RAB39A: variants seen among roughly 807,000 people sequenced by gnomAD.
RAB39A encodes the protein ras-related protein Rab-39A.
A neutral mutation model predicts 20.9 loss-of-function variants in RAB39A; 17 were observed. The observed-to-expected ratio is 0.81, with a 90% confidence interval of 0.56 to 1.22. The LOEUF is 1.22. Among genes scored for constraint, RAB39A ranks in the 50% most tolerant of loss-of-function variants. The probability of loss-of-function intolerance (pLI) is 0.00; values close to 1 mark genes in which losing one functional copy is unlikely to be tolerated. For missense variants in RAB39A, 234 were observed against 270.5 expected, an observed-to-expected ratio of 0.87 and a Z score of 0.95; for synonymous variants, 99 against 103.4, an observed-to-expected ratio of 0.96 and a Z score of 0.26.
Position 107,962,213 on chromosome 11 carries a change from A to G in RAB39A, c.495A>G (p.Glu165=). 6.2e-7 allele frequency: 1 copy of G among 1,614,120 alleles called. No individual in the cohort carries two copies. Among genetic ancestry groups the G allele is most frequent in the Non-Finnish European group, 8.5e-7 (1 of 1,179,996 alleles). Residue 165 remains glutamate (E), a synonymous_variant, in exon 2 of 2, where the codon GAA becomes GAG. Transcript: ENST00000320578. ...ETSAKDATNV[E]ESFTILTRDI... is the part of the protein sequence containing the mutation. The stretch of plus-strand genomic sequence containing the variant: ...CAGCAAAGGATGCTACAAATGTTGA[A>G]GAATCCTTCACAATCTTGACGAGAG...
In RAB39A at chr11:107,962,321, T is replaced by G; in HGVS notation, c.603T>G (p.Thr201=). ...EGVKSGFVPN[T]VHSSEEAVKP... Reference sequence around the variant, plus strand: ...TTAAAAGTGGTTTTGTTCCAAATACTGTGCATTCTTCTGAGGAAGCAGTAA... The same window carrying G: ...TTAAAAGTGGTTTTGTTCCAAATACGGTGCATTCTTCTGAGGAAGCAGTAA... Residue 201 remains threonine, a synonymous_variant, in exon 2 of 2, where the codon ACT becomes ACG. Coordinates refer to ENST00000320578, the MANE Select transcript of RAB39A (RefSeq NM_017516.3). The G allele has an allele frequency of 6.2e-7, 1 of 1,612,950 alleles. No individual in the cohort carries two copies. The highest frequency in any genetic ancestry group is 8.5e-7 in the Non-Finnish European group (1 of 1,179,158).
intron 1 of RAB39A, among the ~76,000 whole-genome samples, chr11:107,930,658 C>G (rs913681437): frequency 2.0e-5 from 3 of 152,032 alleles, no homozygotes; most frequent in Non-Finnish European, 2.9e-5. Flanking sequence ...GAGTTCAAGA[C>G]CAGCCTGGCC....
At chr11:107,949,924 G>C (rs372971416) in intron 1 of RAB39A, among the ~76,000 whole-genome samples, 2 of 152,268 alleles carry the variant, frequency 1.3e-5, no homozygotes, top group South Asian at 2.1e-4. Context: ...TGTAATCCCA[G>C]CACTTTGGGA....
intron 1 of RAB39A, among the ~76,000 whole-genome samples, chr11:107,934,112 A>G (rs115492052): frequency 0.011 from 1,730 of 152,182 alleles, 35 homozygotes; most frequent in African/African-American, 0.04. Context: ...TTCCCAATTT[A>G]TTTTAGGGGC....
At chr11:107,935,232 G>T (rs1390569998) in intron 1 of RAB39A, among the ~76,000 whole-genome samples, 1 of 152,178 alleles carries the variant, frequency 6.6e-6, no homozygotes, top group Non-Finnish European at 1.5e-5. Context: ...AGTGGTGAAA[G>T]AACAGCTACT....
intron 1 of RAB39A, among the ~76,000 whole-genome samples, chr11:107,935,877 C>G (rs867421942): frequency 1.7e-4 from 25 of 145,496 alleles, no homozygotes; most frequent in African/African-American, 6.4e-4. Context: ...TTCTGGGGAA[C>G]GCAGCCCAGC....
chr11:107,935,437 C>T (rs1284599389), intron 1 of RAB39A, among the ~76,000 whole-genome samples: 2 of 150,184 alleles, frequency 1.3e-5, no homozygotes, highest in South Asian at 4.2e-4. Context: ...TGCAGTGGTG[C>T]GATCTCGGCT....
At position 107,928,874 on chromosome 11, in the gene RAB39A, C is replaced by T. The variant is rs1167141254; in HGVS notation, c.227+79C>T. The T allele has an allele frequency of 5.7e-6, 7 of 1,235,178 alleles. No individual in the cohort carries two copies. The highest frequency in any genetic ancestry group is 6.6e-6 in the Non-Finnish European group (6 of 905,058). 76.5% of individuals were successfully genotyped at this position (1,235,178 alleles called of 1,614,324 possible). On this transcript the variant is annotated intron_variant, in intron 1 of 1. Coordinates refer to ENST00000320578, the MANE Select transcript of RAB39A (RefSeq NM_017516.3). This position sits in a 1 kb window ranked among gnomAD's most constrained non-coding sequence, Gnocchi z 4.9. ...GCCCCTTCCCCAGGCGTCCGCCCCG[C>T]CGGCCCTGGTCGGGAGAGGCTCTGG...
Position 107,946,119 on chromosome 11 carries a change from G to T in RAB39A, c.228-15827G>T, listed in dbSNP as rs118072618. ...ATTTAGTCTTCATGAAAGATTTCAA[G>T]AAATATTAGGAAATTTGTCATGTGA... is the stretch of plus-strand genomic sequence containing the variant. On this transcript the variant is annotated intron_variant, in intron 1 of 1. Transcript: ENST00000320578. Among the ~76,000 whole-genome samples, 571 of 150,830 alleles carry T rather than the reference G, an allele frequency of 3.8e-3. 8 individuals carry two copies. The highest frequency in any genetic ancestry group is 6.5e-3 in the Non-Finnish European group (441 of 67,816).
intron 1 of RAB39A, among the ~76,000 whole-genome samples, chr11:107,943,030 CAAAT>C (rs1194605559): frequency 2.0e-5 from 3 of 152,148 alleles, no homozygotes; most frequent in Non-Finnish European, 4.4e-5. Context: ...GCATCAGTAA[CAAAT>C]AACCCTCCCC....
Position 107,962,081 on chromosome 11 carries a change from A to G in RAB39A, c.363A>G (p.Val121=). 6.2e-7 allele frequency: 1 copy of G among 1,614,142 alleles called. No homozygotes were observed. Among genetic ancestry groups the G allele is most frequent in the African/African-American group, 1.3e-5 (1 of 75,044 alleles). The change falls in exon 2 of 2, where the codon GTA becomes GTG. Residue 121 remains valine, a synonymous_variant. Transcript: ENST00000320578. ...TGTATGTACAGCCATTTCGGATTGT[A>G]TTTCTGCTAGTGGGACATAAATGTG... ...AKMYVQPFRI[V]FLLVGHKCDL... is the part of the protein sequence containing the mutation.
At chr11:107,933,730 G>A (rs2442689) in intron 1 of RAB39A, among the ~76,000 whole-genome samples, 11 of 146,046 alleles carry the variant, frequency 7.5e-5, no homozygotes, top group African/African-American at 2.0e-4. Context: ...GCGCAATCTC[G>A]GCTCACTGCA....
chr11:107,955,996 C>T (rs958417091), intron 1 of RAB39A, among the ~76,000 whole-genome samples: 4 of 152,040 alleles, frequency 2.6e-5, no homozygotes, highest in South Asian at 2.1e-4. Context: ...CAAGAAACTT[C>T]ACAGAGATTG....
chr11:107,953,806 C>T (rs943564087), intron 1 of RAB39A, among the ~76,000 whole-genome samples: 1 of 152,160 alleles, frequency 6.6e-6, no homozygotes, highest in Admixed American at 6.5e-5. Flanking sequence ...AGAATGTAGA[C>T]ATCCTGAAGG....
chr11:107,953,608 C>T (rs1373051954), intron 1 of RAB39A, among the ~76,000 whole-genome samples: 2 of 152,136 alleles, frequency 1.3e-5, no homozygotes. Flanking sequence ...AGCATTTCTC[C>T]CTTGAATACT....
Position 107,939,102 on chromosome 11 carries a change from G to A in RAB39A, c.227+10307G>A, listed in dbSNP as rs147189923. On this transcript the variant is annotated intron_variant, in intron 1 of 1. Coordinates refer to ENST00000320578, the MANE Select transcript of RAB39A (RefSeq NM_017516.3). ...ACTAAAAATAGAAAAAAATTAGCTA[G>A]GCGTGGTGGCATCCACCTGTAATCC... is the stretch of plus-strand genomic sequence containing the variant. Among the ~76,000 whole-genome samples, 985 of 151,936 alleles carry A rather than the reference G, an allele frequency of 6.5e-3. 11 individuals are homozygous for A. Among genetic ancestry groups the A allele is most frequent in the African/African-American group, 0.023 (937 of 41,442 alleles).
chr11:107,962,195 G>C lies in RAB39A; in HGVS notation c.477G>C (p.Lys159Asn). Reference protein sequence around the residue: ...CGMKYIETSAKDATNVEESFT... With the variant: ...CGMKYIETSANDATNVEESFT... ...TGAAGTATATAGAAACCTCAGCAAA[G>C]GATGCTACAAATGTTGAAGAATCCT... The change falls in exon 2 of 2, where the codon AAG becomes AAC. Residue 159 changes from lysine (K) to asparagine (N), a missense_variant. Coordinates refer to ENST00000320578, the MANE Select transcript of RAB39A (RefSeq NM_017516.3). The C allele has an allele frequency of 6.2e-7, 1 of 1,614,040 alleles. No individual in the cohort carries two copies.
At chr11:107,951,616 T>TTTA (rs386374826) in intron 1 of RAB39A, among the ~76,000 whole-genome samples, 12 of 6,878 alleles carry the variant, frequency 1.7e-3, no homozygotes, top group African/African-American at 2.6e-3. Context: ...CATTTTCAGA[T>TTTA]TTTTTTTTTT....
chr11:107,929,867 A>C (rs74526464), intron 1 of RAB39A, among the ~76,000 whole-genome samples: 1,724 of 152,278 alleles, frequency 0.011, 35 homozygotes, highest in African/African-American at 0.04. Context: ...TCTGTTTCTT[A>C]AAGACTGCAT....
Sources: allele counts gnomAD v4.1 joint callset (sites outside exome capture counted in the v4.1 genomes callset), GRCh38; gene constraint gnomAD v4.1.1; non-coding constraint Gnocchi (gnomAD v3.1); transcripts MANE v1.5; gene names NCBI Gene and HGNC (gene_info 2026-07-23, HGNC 2026-07-21).